Variants in C3 observed in about 807,000 individuals in gnomAD.
The protein encoded by C3 is C3 and PZP-like alpha-2-macroglobulin domain-containing protein 1.
A neutral mutation model predicts 207.9 loss-of-function variants in C3; 97 were observed. That is an observed-to-expected ratio of 0.47 (90% CI 0.40 to 0.55). The LOEUF is 0.55. C3 is among the 20% of genes least tolerant of loss of function. The pLI, the probability that C3 is intolerant of heterozygous loss-of-function variation, is 0.00. For missense variants in C3, 1,684 were observed against 2,171.7 expected (o/e 0.78, Z 4.46); for synonymous variants, 848 against 857.6 (o/e 0.99, Z 0.20).
Position 6,678,450 on chromosome 19 carries a change from T to C in C3, c.4636A>G (p.Lys1546Glu). Reference protein sequence around the residue: ...ACEPGVDYVYKTRLVKVQLSN... With the variant: ...ACEPGVDYVYETRLVKVQLSN... ...AGCTGAACCTTGACCAGTCGGGTCTTGTACACTGTGGGGGAGAGGCAGACA... is the reference window on the plus strand; with the variant it reads ...AGCTGAACCTTGACCAGTCGGGTCTCGTACACTGTGGGGGAGAGGCAGACA... Residue 1546 changes from lysine (K) to glutamate (E), a missense_variant, in exon 39 of 41, where the codon AAG (lysine) becomes GAG (glutamate). Transcript: ENST00000245907. The C allele has an allele frequency of 6.2e-7, 1 of 1,614,050 alleles. No individual in the cohort carries two copies. Among genetic ancestry groups the C allele is most frequent in the East Asian group, 2.2e-5 (1 of 44,878 alleles).
intron 11 of C3, among the ~76,000 whole-genome samples, chr19:6,711,682 G>A (rs891613073): frequency 6.6e-6 from 1 of 152,220 alleles, no homozygotes; most frequent in Non-Finnish European, 1.5e-5. Flanking sequence ...GGTAAGTGGG[G>A]TGCGCAGCCT....
chr19:6,696,547 C>G, intron 22 of C3, 46 bp downstream of exon 22: 1 of 1,604,958 alleles, frequency 6.2e-7, no homozygotes, highest in Non-Finnish European at 8.5e-7. Flanking sequence ...CATTTACCCC[C>G]CTTACCCTGC....
At chr19:6,716,818 G>A (rs746774151) in intron 4 of C3, 2 of 151,758 alleles carry the variant, frequency 1.3e-5, no homozygotes, top group Non-Finnish European at 3.0e-5. Context: ...TAGCGGGGAG[G>A]GGGGACGCTC....
rs1449161488 is a variant in C3 at position 6,707,284 on chromosome 19, A to T, written c.2048-11T>A. On this transcript the variant is annotated splice_polypyrimidine_tract_variant and intron_variant, in intron 16 of 40. Transcript: ENST00000245907. ...TGGGGTACTTGCCGACTGCGGGAGC[A>T]CGTGTTCCCCCAGGCCACACCCTCA... 4 of 1,604,172 alleles carry T rather than the reference A, an allele frequency of 2.5e-6. No homozygotes were observed. The African/African-American group carries it at 4.1e-5, about 16-fold the overall frequency.
chr19:6,684,326 C>T (rs958273269), intron 33 of C3, 62 bp downstream of exon 33: 17 of 1,283,912 alleles, frequency 1.3e-5, no homozygotes, highest in Non-Finnish European at 1.8e-5. Context: ...ATATTATTTG[C>T]AAGAATTCTT....
Position 6,707,126 on chromosome 19 carries a change from G to A in C3, c.2195C>T (p.Thr732Ile). 7 of 1,613,556 alleles carry A rather than the reference G, an allele frequency of 4.3e-6. No individual in the cohort carries two copies. Among genetic ancestry groups the A allele is most frequent in the Non-Finnish European group, 5.9e-6 (7 of 1,179,864 alleles). Reference sequence around the variant, plus strand: ...CCGCGCGTGCTGCCGCCGCAGCTCTGTGATGTAGTTGCAGCAGTCCAGGAA... The same window carrying A: ...CCGCGCGTGCTGCCGCCGCAGCTCTATGATGTAGTTGCAGCAGTCCAGGAA... ...KVFLDCCNYI[T>I]ELRRQHARAS... The change falls in exon 17 of 41, where the codon ACA (threonine) becomes ATA (isoleucine). Residue 732 changes from threonine (T) to isoleucine (I), a missense_variant. Thr to Ile is a moderately conservative substitution (Grantham distance 89). Transcript: ENST00000245907.
intron 35 of C3, 123 bp from the exon 36 acceptor site, chr19:6,680,386 G>A: frequency 1.4e-6 from 1 of 693,850 alleles, no homozygotes; most frequent in Admixed American, 2.0e-5. Context: ...AGATGAATGA[G>A]CAATTCAGCA....
chr19:6,712,183 C>T, intron 11 of C3, 74 bp downstream of exon 11: 1 of 1,574,564 alleles, frequency 6.4e-7, no homozygotes, highest in Non-Finnish European at 8.7e-7. Context: ...AATGACAGGA[C>T]CCCACTGTGC....
At chr19:6,680,626 G>A (rs888344687) in intron 35 of C3, among the ~76,000 whole-genome samples, 3 of 152,162 alleles carry the variant, frequency 2.0e-5, no homozygotes, top group Admixed American at 2.0e-4. Context: ...GAGACTACAT[G>A]GAGCAGAGGG....
rs1016216539 is a variant in C3 at position 6,719,062 on chromosome 19, T to G, written c.267+149A>C. On this transcript the variant is annotated intron_variant, in intron 2 of 40. Coordinates refer to ENST00000245907, the MANE Select transcript of C3 (RefSeq NM_000064.4). The surrounding 1 kb of genome is among the most constrained non-coding windows in gnomAD (Gnocchi z 5.4). ...GTGGAGTCTCAGAGAAGGGAGGGGC[T>G]TAGAAGGAGAGGCGACTCCGAAGGG... is the stretch of plus-strand genomic sequence containing the variant. 1.5e-4 allele frequency: 110 copies of G among 720,268 alleles called. No individual in the cohort carries two copies. Among genetic ancestry groups the G allele is most frequent in the African/African-American group, 1.5e-3 (80 of 54,516 alleles). 44.6% of individuals were successfully genotyped at this position (720,268 alleles called of 1,614,324 possible).
At chr19:6,709,628 AG>A in intron 14 of C3, 55 bp downstream of exon 14, 9 of 370,102 alleles carry the variant, frequency 2.4e-5, no homozygotes, top group East Asian at 5.3e-5. Flanking sequence ...CACCTCCCCC[AG>A]CCCCAGCTCC....
chr19:6,713,131 C>T (rs1450525544), intron 9 of C3, 58 bp downstream of exon 9: 11 of 1,603,152 alleles, frequency 6.9e-6, no homozygotes, highest in Non-Finnish European at 8.5e-6. Context: ...GACCTGGTCT[C>T]CCCTCTCAGA....
At chr19:6,706,516 G>GA (rs1967776528) in intron 17 of C3, among the ~76,000 whole-genome samples, 2 of 152,072 alleles carry the variant, frequency 1.3e-5, no homozygotes, top group Non-Finnish European at 2.9e-5. Flanking sequence ...CTTCAGACCT[G>GA]GGTCTTCTCT....
Position 6,718,338 on chromosome 19 carries a change from G to A in C3, c.342C>T (p.Thr114=), listed in dbSNP as rs1568229151. The change falls in exon 3 of 41, where the codon ACC becomes ACT. Residue 114 remains threonine, a synonymous_variant. Transcript: ENST00000245907. The stretch of plus-strand genomic sequence containing the variant: ...CCAGCACCACCTTCTCCACCACTTG[G>A]GTCCCGAAGGTGGCCTGCACGGTCA... ...KFVTVQATFG[T]QVVEKVVLVS... is the part of the protein sequence containing the mutation. 1 of 1,614,202 alleles carries A rather than the reference G, an allele frequency of 6.2e-7. No homozygotes were observed. Among genetic ancestry groups the A allele is most frequent in the Non-Finnish European group, 8.5e-7 (1 of 1,180,034 alleles).
chr19:6,697,213 T>A, intron 21 of C3, 131 bp downstream of exon 21: 1 of 756,534 alleles, frequency 1.3e-6, no homozygotes, highest in Admixed American at 2.0e-5. Flanking sequence ...ATTCTGGGAC[T>A]TCCAAATTTC....
intron 4 of C3, among the ~76,000 whole-genome samples, chr19:6,715,688 C>G (rs1442657447): frequency 2.1e-5 from 3 of 145,110 alleles, no homozygotes; most frequent in Non-Finnish European, 4.5e-5. Flanking sequence ...ATGGCGAGAT[C>G]TCGGCTCACT....
At chr19:6,702,072 A>C (rs1431247351) in intron 19 of C3, 55 bp downstream of exon 19, 1 of 914,398 alleles carries the variant, frequency 1.1e-6, no homozygotes, top group Non-Finnish European at 1.8e-6. Flanking sequence ...ATGAGATGAC[A>C]CTCAGACACC....
rs190390034 is a variant in C3 at position 6,719,442 on chromosome 19, C to T, written c.75-39G>A. 29 of 1,583,422 alleles carry T rather than the reference C, an allele frequency of 1.8e-5. No homozygotes were observed. The highest frequency in any genetic ancestry group is 6.1e-6 in the Non-Finnish European group (7 of 1,153,370). On this transcript the variant is annotated intron_variant, in intron 1 of 40. Coordinates refer to ENST00000245907, the MANE Select transcript of C3 (RefSeq NM_000064.4). This position sits in a 1 kb window ranked among gnomAD's most constrained non-coding sequence, Gnocchi z 5.4. The stretch of plus-strand genomic sequence containing the variant: ...GCACGGGAGTGGGCTTGTCATTCCA[C>T]GGATGTGAGACGCCAGTCCTCACTG...
intron 7 of C3, 55 bp from the exon 8 acceptor site, chr19:6,713,564 C>T: frequency 7.4e-7 from 1 of 1,345,140 alleles, no homozygotes; most frequent in Non-Finnish European, 1.1e-6. Context: ...AATGGGATCT[C>T]CCCCAGCTTC....
Sources: gnomAD v4.1 joint callset for allele counts (sites outside exome capture counted in the v4.1 genomes callset) on GRCh38, gnomAD v4.1.1 for gene constraint, Gnocchi (gnomAD v3.1) non-coding constraint, MANE v1.5 for transcripts, NCBI Gene and HGNC (gene_info 2026-07-23, HGNC 2026-07-21) for gene names.